Variants in STK3 observed in about 807,000 individuals in gnomAD.
The protein encoded by STK3 is serine/threonine kinase 3, also known as serine/threonine-protein kinase 3.
A neutral mutation model predicts 58.0 loss-of-function variants in STK3; 41 were observed. The ratio of observed to expected loss-of-function variants is 0.71; its 90% CI spans 0.55 to 0.92. The LOEUF (loss-of-function observed/expected upper bound fraction) is 0.92, where lower values mean the gene tolerates loss of function less well. Ranked by LOEUF, STK3 falls within the 40% of genes least tolerant of loss-of-function variation. STK3 has a pLI of 0.00. For synonymous variants in STK3, 170 were observed against 191.0 expected, an observed-to-expected ratio of 0.89 and a Z score of 0.91; for missense variants, 479 against 602.7, an observed-to-expected ratio of 0.79 and a Z score of 2.15.
At chr8:98,677,724 C>T (rs1823331903) in intron 6 of STK3, among the ~76,000 whole-genome samples, 1 of 152,206 alleles carries the variant, frequency 6.6e-6, no homozygotes. Context: ...TCCACCAAAT[C>T]TCCAAATATG....
chr8:98,881,510 G>A (rs572402035), downstream of STK3: 14 of 152,298 alleles, frequency 9.2e-5, no homozygotes, highest in African/African-American at 3.4e-4. Context: ...TAACCCTAAT[G>A]TAAACTGTGG....
At chr8:98,669,328 T>A (rs181456262) in intron 6 of STK3, among the ~76,000 whole-genome samples, 7 of 152,178 alleles carry the variant, frequency 4.6e-5, no homozygotes, top group Admixed American at 4.6e-4. Context: ...TATCAACAGT[T>A]CTAAAAAAAG....
intron 4 of STK3, among the ~76,000 whole-genome samples, chr8:98,714,818 C>T (rs554172900): frequency 3.3e-5 from 5 of 152,250 alleles, no homozygotes; most frequent in South Asian, 2.1e-4. Context: ...AGAGCCCGCA[C>T]TGCCAAGTCA....
chr8:98,450,319 A>C (rs1819143062), downstream of STK3, among the ~76,000 whole-genome samples: 2 of 152,178 alleles, frequency 1.3e-5, no homozygotes, highest in African/African-American at 2.4e-5. Flanking sequence ...CACTAAACTA[A>C]AAAGAGTTAA....
At chr8:98,582,015 A>G (rs891859453) in intron 7 of STK3, among the ~76,000 whole-genome samples, 2 of 152,318 alleles carry the variant, frequency 1.3e-5, no homozygotes, top group African/African-American at 4.8e-5. Flanking sequence ...TTTGAACACT[A>G]TCAGTTTAGA....
chr8:98,446,177 A>C (rs2131107336), intron 1 of STK3, among the ~76,000 whole-genome samples: 1 of 152,302 alleles, frequency 6.6e-6, no homozygotes, highest in East Asian at 1.9e-4. Flanking sequence ...CTCAAGACTC[A>C]GTTCAAATAT....
intron 6 of STK3, among the ~76,000 whole-genome samples, chr8:98,604,768 A>AT (rs1816639823): frequency 1.3e-5 from 2 of 152,138 alleles, no homozygotes. Context: ...TTCAACTTTT[A>AT]TGTTCTGCTT....
the STK3 span, among the ~76,000 whole-genome samples, chr8:98,365,868 A>C: frequency 2.0e-3 from 304 of 152,330 alleles, 2 homozygotes; most frequent in East Asian, 9.6e-4. Flanking sequence ...GATTGGCTCC[A>C]TGCCTTCTAG....
At chr8:98,667,330 A>G (rs770965050) in intron 6 of STK3, among the ~76,000 whole-genome samples, 1 of 152,196 alleles carries the variant, frequency 6.6e-6, no homozygotes, top group Non-Finnish European at 1.5e-5. Flanking sequence ...GTCTATGGGC[A>G]ATTTTGGTAC....
At chr8:98,666,802 G>GA in intron 6 of STK3, among the ~76,000 whole-genome samples, 1 of 152,218 alleles carries the variant, frequency 6.6e-6, no homozygotes, top group African/African-American at 2.4e-5. Flanking sequence ...AAAAAAGATA[G>GA]AATAATGACA....
chr8:98,647,783 A>G (rs1479504735), intron 6 of STK3, among the ~76,000 whole-genome samples: 1 of 152,216 alleles, frequency 6.6e-6, no homozygotes, highest in Non-Finnish European at 1.5e-5. Flanking sequence ...CTGGGATTGT[A>G]GGCATGAGCC....
At chr8:98,478,271 C>T (rs1413554580) in intron 10 of STK3, among the ~76,000 whole-genome samples, 1 of 152,142 alleles carries the variant, frequency 6.6e-6, no homozygotes. Flanking sequence ...TACTCAAACT[C>T]TTTTTCTTAA....
At chr8:98,826,882 G>A (rs1419855425), upstream of STK3, among the ~76,000 whole-genome samples, 1 of 136,468 alleles carries the variant, frequency 7.3e-6, no homozygotes, top group Non-Finnish European at 1.5e-5. Context: ...AAAGTTAGCC[G>A]GGCCTGGTGA....
chr8:98,442,754 G>T (rs1163401107), intron 1 of STK3, among the ~76,000 whole-genome samples: 1 of 152,072 alleles, frequency 6.6e-6, no homozygotes, highest in Non-Finnish European at 1.5e-5. Flanking sequence ...AACTAGAACT[G>T]GTAGCAAAAA....
chr8:98,617,088 A>C (rs368191032), intron 6 of STK3, among the ~76,000 whole-genome samples: 5,392 of 151,144 alleles, frequency 0.036, 131 homozygotes, highest in Non-Finnish European at 0.051. Flanking sequence ...CAAATGTAAA[A>C]GAACAGAAAT....
At chr8:98,837,057 G>T (rs969698053) in intron 3 of STK3, among the ~76,000 whole-genome samples, 14 of 152,050 alleles carry the variant, frequency 9.2e-5, no homozygotes, top group African/African-American at 3.1e-4. Flanking sequence ...TTTAAACCTT[G>T]TTTTTAAATA....
chr8:98,822,039 TAC>T (rs1163003259), intron 1 of STK3, among the ~76,000 whole-genome samples: 2 of 151,886 alleles, frequency 1.3e-5, no homozygotes, highest in Non-Finnish European at 2.9e-5. Context: ...CATATATATA[TAC>T]ACACACATAC....
chr8:98,877,493 T>G lies in STK3; in HGVS notation c.110+6154A>C, dbSNP rs577799951. Among the ~76,000 whole-genome samples the G allele has an allele frequency of 6.1e-4, 93 of 152,068 alleles. 2 individuals are homozygous for G. Among genetic ancestry groups the G allele is most frequent in the Admixed American group, 3.2e-3 (49 of 15,264 alleles). ...GTGTTTTTTTTGTTTGTTTTTTTGG[T>G]TTTTTTTGAGATGGAGTTTCGCTCT... On this transcript the variant is annotated intron_variant, in intron 3 of 12. Transcript: ENST00000523601.
chr8:98,533,223 C>T (rs1268590077), intron 9 of STK3, among the ~76,000 whole-genome samples: 4 of 151,916 alleles, frequency 2.6e-5, no homozygotes, highest in African/African-American at 9.7e-5. Context: ...AATTATGTGG[C>T]TTTGTGTTAT....
Sources: allele counts gnomAD v4.1 joint callset (sites outside exome capture counted in the v4.1 genomes callset), GRCh38; gene constraint gnomAD v4.1.1; transcripts MANE v1.5; gene names NCBI Gene and HGNC (gene_info 2026-07-23, HGNC 2026-07-21).